Variants in SCGN observed in about 807,000 individuals in gnomAD.
SCGN encodes the protein secretagogin.
Under a neutral mutation model 39.7 loss-of-function variants are expected in SCGN, and 30 were observed. That is an observed-to-expected ratio of 0.76 (90% CI 0.57 to 1.03). SCGN has a LOEUF of 1.03. Among genes scored for constraint, SCGN ranks in the 50% least tolerant of loss-of-function variants. The pLI, the probability that SCGN is intolerant of heterozygous loss-of-function variation, is 0.00. For synonymous variants in SCGN, 106 were observed against 114.1 expected (o/e 0.93, Z 0.45); for missense variants, 353 against 349.4 (o/e 1.01, Z -0.08).
chr6:25,691,029 T>C, intron 9 of SCGN, 27 bp from the exon 10 acceptor site: 1 of 1,597,766 alleles, frequency 6.3e-7, no homozygotes, highest in Non-Finnish European at 8.6e-7. Flanking sequence ...AACTGATATT[T>C]GGGCAATTGG....
At chr6:25,655,668 T>TG (rs1760214911) in intron 2 of SCGN, among the ~76,000 whole-genome samples, 1 of 152,168 alleles carries the variant, frequency 6.6e-6, no homozygotes, top group African/African-American at 2.4e-5. Context: ...GAATTATATT[T>TG]TTTTGTTAAA....
chr6:25,690,194 A>G (rs2151382594), intron 9 of SCGN, among the ~76,000 whole-genome samples: 1 of 152,280 alleles, frequency 6.6e-6, no homozygotes, highest in East Asian at 1.9e-4. Context: ...GTGACCAATT[A>G]CCTAGGTTTG....
intron 3 of SCGN, among the ~76,000 whole-genome samples, chr6:25,664,604 T>G (rs770698936): frequency 6.6e-5 from 10 of 152,234 alleles, no homozygotes; most frequent in Middle Eastern, 3.2e-3. Context: ...TAAATTAATT[T>G]AGTATTGGAA....
chr6:25,699,449 G>T (rs1759879283), intron 10 of SCGN, among the ~76,000 whole-genome samples: 1 of 151,808 alleles, frequency 6.6e-6, no homozygotes, highest in Non-Finnish European at 1.5e-5. Flanking sequence ...AATTAGCCGG[G>T]TGTGGTGGTG....
intron 3 of SCGN, 63 bp downstream of exon 3, chr6:25,661,707 A>G: frequency 9.2e-7 from 1 of 1,091,486 alleles, no homozygotes; most frequent in South Asian, 1.3e-5. Context: ...TCTTTACTTT[A>G]TCGTCTTGGG....
intron 6 of SCGN, among the ~76,000 whole-genome samples, chr6:25,677,652 G>A (rs2151380292): frequency 6.6e-6 from 1 of 152,288 alleles, no homozygotes; most frequent in Admixed American, 6.5e-5. Flanking sequence ...TGTGATATAT[G>A]TGTGTGTACA....
intron 10 of SCGN, among the ~76,000 whole-genome samples, chr6:25,697,756 A>G (rs1251532837): frequency 1.3e-5 from 2 of 152,194 alleles, no homozygotes; most frequent in Admixed American, 1.3e-4. Flanking sequence ...AATCAATTTT[A>G]TTTCAGATCC....
intron 7 of SCGN, 115 bp downstream of exon 7, chr6:25,682,121 T>C (rs780446472): frequency 2.4e-5 from 17 of 715,550 alleles, no homozygotes; most frequent in East Asian, 1.1e-4. Flanking sequence ...TCTAAAAGAA[T>C]AGGCACATCT....
At chr6:25,676,576 A>G (rs1296972836) in intron 6 of SCGN, among the ~76,000 whole-genome samples, 3 of 152,166 alleles carry the variant, frequency 2.0e-5, no homozygotes, top group Admixed American at 6.5e-5. Flanking sequence ...ATTTACTTCC[A>G]TCTCTTTCAG....
At chr6:25,696,455 T>G (rs1759839078) in intron 10 of SCGN, among the ~76,000 whole-genome samples, 1 of 152,172 alleles carries the variant, frequency 6.6e-6, no homozygotes, top group Non-Finnish European at 1.5e-5. Flanking sequence ...CCACATAATA[T>G]TTCACCTGTG....
chr6:25,668,616 C>T (rs555378331), intron 4 of SCGN, among the ~76,000 whole-genome samples: 6 of 152,266 alleles, frequency 3.9e-5, no homozygotes, highest in Admixed American at 3.3e-4. Flanking sequence ...AATTTTCCAC[C>T]TGTGTGGGTC....
intron 7 of SCGN, among the ~76,000 whole-genome samples, chr6:25,684,598 A>T (rs1431410330): frequency 6.6e-6 from 1 of 152,204 alleles, no homozygotes; most frequent in East Asian, 1.9e-4. Flanking sequence ...GTTTGAGGCC[A>T]GCCTGGCCAG....
Position 25,652,303 on chromosome 6 carries a change from C to A in SCGN, c.-101C>A. Reference sequence around the variant, plus strand: ...CAGTTACTCAAAGCTAATCAGATAGCGAAAGAAGCAGGAGAGCAAGTCAAG... The same window carrying A: ...CAGTTACTCAAAGCTAATCAGATAGAGAAAGAAGCAGGAGAGCAAGTCAAG... On this transcript the variant is annotated 5_prime_UTR_variant, in exon 1 of 11. Coordinates refer to ENST00000377961, the MANE Select transcript of SCGN (RefSeq NM_006998.4). 1.1e-6 allele frequency: 1 copy of A among 913,682 alleles called. No individual in the cohort carries two copies. 56.6% of individuals were successfully genotyped at this position (913,682 alleles called of 1,614,324 possible). A position where few individuals can be genotyped will look rare whatever the true frequency, so the allele number is the denominator to read the frequency against.
intron 4 of SCGN, among the ~76,000 whole-genome samples, chr6:25,667,021 G>GT (rs559070177): frequency 8.1e-4 from 124 of 152,208 alleles, no homozygotes; most frequent in African/African-American, 2.8e-3. Context: ...GTTTTTTAGT[G>GT]TATGTTGTAG....
intron 2 of SCGN, among the ~76,000 whole-genome samples, chr6:25,656,728 G>C (rs1760234480): frequency 1.3e-5 from 2 of 152,172 alleles, no homozygotes. Context: ...AGGTCAAAGG[G>C]ATAGTCATGA....
chr6:25,673,804 C>T (rs571146399), intron 6 of SCGN, among the ~76,000 whole-genome samples: 1 of 152,258 alleles, frequency 6.6e-6, no homozygotes, highest in South Asian at 2.1e-4. Flanking sequence ...AAAGAAATAC[C>T]TGTGACTGGG....
intron 10 of SCGN, among the ~76,000 whole-genome samples, chr6:25,700,132 C>A (rs559138814): frequency 2.6e-5 from 4 of 151,092 alleles, no homozygotes; most frequent in Non-Finnish European, 5.9e-5. Context: ...GTAAGCCCAG[C>A]CACTCGGGAA....
At chr6:25,664,287 A>T (rs1212875064) in intron 3 of SCGN, among the ~76,000 whole-genome samples, 1 of 152,252 alleles carries the variant, frequency 6.6e-6, no homozygotes, top group Non-Finnish European at 1.5e-5. Context: ...GGCAGCAGTC[A>T]TTCCTGCTTT....
chr6:25,697,199 C>G (rs1436784008), intron 10 of SCGN, among the ~76,000 whole-genome samples: 1 of 152,148 alleles, frequency 6.6e-6, no homozygotes. Flanking sequence ...AATTTGTAAA[C>G]AAGCAGAGGC....
Sources: gnomAD v4.1 joint callset for allele counts (sites outside exome capture counted in the v4.1 genomes callset) on GRCh38, gnomAD v4.1.1 for gene constraint, MANE v1.5 for transcripts, NCBI Gene and HGNC (gene_info 2026-07-23, HGNC 2026-07-21) for gene names.